The following CSNK1G1 variants were observed in gnomAD, a reference collection of about 807,000 sequenced individuals.
CSNK1G1 encodes casein kinase I isoform gamma-1.
Under a neutral mutation model 59.6 loss-of-function variants are expected in CSNK1G1, and 22 were observed. The observed-to-expected ratio is 0.37, with a 90% CI of 0.26 to 0.53. The LOEUF (loss-of-function observed/expected upper bound fraction) is 0.53. Among genes scored for constraint, CSNK1G1 ranks in the 20% least tolerant of loss-of-function variants. The pLI is 0.89. For missense variants in CSNK1G1, 384 were observed against 519.5 expected, an observed-to-expected ratio of 0.74 and a Z score of 2.54; for synonymous variants, 179 against 177.1, an observed-to-expected ratio of 1.01 and a Z score of -0.08.
chr15:64,280,734 T>C (rs1894079149), intron 2 of CSNK1G1, among the ~76,000 whole-genome samples: 2 of 152,110 alleles, frequency 1.3e-5, no homozygotes, highest in Non-Finnish European at 2.9e-5. Context: ...TGGTGTCTTA[T>C]GCTAAGCATT....
At chr15:64,284,434 C>A (rs1454219220) in intron 2 of CSNK1G1, among the ~76,000 whole-genome samples, 1 of 152,044 alleles carries the variant, frequency 6.6e-6, no homozygotes, top group East Asian at 1.9e-4. Context: ...AATATTAAAT[C>A]TTGAGATCCA....
intron 4 of CSNK1G1, among the ~76,000 whole-genome samples, chr15:64,227,025 C>T (rs1463640528): frequency 6.6e-6 from 1 of 152,170 alleles, no homozygotes; most frequent in Non-Finnish European, 1.5e-5. Context: ...ATGTCAGCAC[C>T]TAGCACTGGT....
chr15:64,238,518 AATATATATAT>A (rs1212005568), intron 4 of CSNK1G1, among the ~76,000 whole-genome samples: 10 of 49,248 alleles, frequency 2.0e-4, no homozygotes, highest in Admixed American at 9.3e-4. Flanking sequence ...AAAAAAAAAA[AATATATATAT>A]ATATATATAT....
intron 10 of CSNK1G1, chr15:64,189,269 G>A: frequency 1.1e-6 from 1 of 887,274 alleles, no homozygotes; most frequent in Non-Finnish European, 1.4e-6. Context: ...GCAAAAGGAG[G>A]GTCGACCTTC....
At position 64,254,017 on chromosome 15, in the gene CSNK1G1, G is replaced by A. The variant is rs113150793; in HGVS notation, c.223-2436C>T. Among the ~76,000 whole-genome samples the A allele has an allele frequency of 6.2e-3, 951 of 152,236 alleles. 11 individuals are homozygous for A. The highest frequency in any genetic ancestry group is 0.015 in the African/African-American group (611 of 41,528). On this transcript the variant is annotated intron_variant, in intron 3 of 11. Transcript: ENST00000303052. ...GAGCCAGGAGTGTCAGCGTGCGCCT[G>A]TAGTCCCAGCTACTCAGGAGGCTGA...
chr15:64,273,724 A>G (rs1399104114), intron 2 of CSNK1G1, among the ~76,000 whole-genome samples: 1 of 148,276 alleles, frequency 6.7e-6, no homozygotes, highest in Non-Finnish European at 1.5e-5. Flanking sequence ...ACAAAAGCTG[A>G]TGAGCTAAAA....
chr15:64,319,790 A>T (rs1896463124), intron 1 of CSNK1G1, among the ~76,000 whole-genome samples: 1 of 152,152 alleles, frequency 6.6e-6, no homozygotes, highest in South Asian at 2.1e-4. Flanking sequence ...AGCTCAGGCA[A>T]TCCGCTATCA....
intron 1 of CSNK1G1, among the ~76,000 whole-genome samples, chr15:64,335,042 TTTTGCAAGTACTGCTCAGTTCACATA>T: frequency 6.6e-6 from 1 of 152,368 alleles, no homozygotes; most frequent in East Asian, 1.9e-4. Context: ...TATTGACTTA[TTTTGCAAGTACTGCTCAGTTCACATA>T]ATCTACAAAG....
chr15:64,175,965 G>GT (rs1252723042), intron 11 of CSNK1G1, among the ~76,000 whole-genome samples: 7 of 152,212 alleles, frequency 4.6e-5, no homozygotes, highest in Admixed American at 1.3e-4. Flanking sequence ...ATATCTGGTT[G>GT]TATTAATTTG....
intron 2 of CSNK1G1, among the ~76,000 whole-genome samples, chr15:64,276,705 G>A (rs1005330722): frequency 9.2e-5 from 14 of 152,136 alleles, no homozygotes; most frequent in African/African-American, 3.4e-4. Flanking sequence ...CAGCACTTTG[G>A]GAGGCCGAGG....
At chr15:64,333,557 A>C (rs963948318) in intron 1 of CSNK1G1, among the ~76,000 whole-genome samples, 9 of 152,130 alleles carry the variant, frequency 5.9e-5, no homozygotes, top group Admixed American at 5.2e-4. Flanking sequence ...GGTAACAATC[A>C]ACATGATGAC....
At chr15:64,235,394 T>C (rs542757870) in intron 4 of CSNK1G1, among the ~76,000 whole-genome samples, 6 of 152,298 alleles carry the variant, frequency 3.9e-5, no homozygotes, top group Middle Eastern at 6.8e-3. Context: ...AAACATGAGA[T>C]GACAAAATGT....
Position 64,346,466 on chromosome 15 carries a change from ATTTATTTT to A in CSNK1G1, c.-225+9514_-225+9521del, listed in dbSNP as rs1214289519. On this transcript the variant is annotated intron_variant, in intron 1 of 11. Transcript: ENST00000303052. ...TATTTATTTATTTATTTATTTATTT[ATTTATTTT>A]GAGACATAGGTTTGCTCTTGTTGCC... Among the ~76,000 whole-genome samples the A allele has an allele frequency of 4.3e-4, 48 of 111,204 alleles. No individual in the cohort carries two copies. In the East Asian group the frequency reaches 6.7e-3, roughly 16 times the overall value. The allele number at this position is 111,204 out of a possible 152,430, so 73.0% of individuals were successfully genotyped here.
chr15:64,272,503 C>T (rs576436606), intron 2 of CSNK1G1, among the ~76,000 whole-genome samples: 17 of 152,116 alleles, frequency 1.1e-4, no homozygotes, highest in African/African-American at 3.9e-4. Flanking sequence ...AGGTGTGAGA[C>T]ACCACGCCCG....
In CSNK1G1 at chr15:64,169,493, A is replaced by C. The variant is rs1004093818; in HGVS notation, c.*2438T>G. 6 of 152,210 alleles carry C rather than the reference A, an allele frequency of 3.9e-5. No individual in the cohort carries two copies. The highest frequency in any genetic ancestry group is 1.5e-4 in the African/African-American group (6 of 41,318). The allele number at this position is 152,210 out of a possible 1,614,324, so 9.4% of individuals were successfully genotyped here. On this transcript the variant is annotated 3_prime_UTR_variant, in exon 12 of 12. Transcript: ENST00000303052. ...CATGATCCACTTGCCTTGGCCTCCC[A>C]AACTGCTGGGATTACAGGCGTGAGC...
At chr15:64,217,306 T>C (rs2082324707) in intron 4 of CSNK1G1, among the ~76,000 whole-genome samples, 1 of 152,122 alleles carries the variant, frequency 6.6e-6, no homozygotes, top group African/African-American at 2.4e-5. Context: ...AACAGACACT[T>C]AGTGTTTGGT....
In CSNK1G1 at chr15:64,300,514, G is replaced by C. The variant is rs759142136; in HGVS notation, c.-15C>G. The C allele has an allele frequency of 4.0e-5, 64 of 1,612,504 alleles. 2 individuals carry two copies. The South Asian group carries it at 7.0e-4, about 18-fold the overall frequency. On this transcript the variant is annotated 5_prime_UTR_variant, in exon 2 of 12. Coordinates refer to ENST00000303052, the MANE Select transcript of CSNK1G1 (RefSeq NM_022048.5). ...GGATGGTCCATGATCCTACAGGACA[G>C]AGTCTCCTATAGTACAGCAAGTAGC...
At chr15:64,285,043 T>C (rs534845409) in intron 2 of CSNK1G1, among the ~76,000 whole-genome samples, 6 of 152,240 alleles carry the variant, frequency 3.9e-5, no homozygotes, top group African/African-American at 1.2e-4. Context: ...GTGCAATCTA[T>C]ACAAAATAAA....
rs1370673793 is a variant in CSNK1G1 at position 64,171,577 on chromosome 15, A to G, written c.*354T>C. On this transcript the variant is annotated 3_prime_UTR_variant, in exon 12 of 12. Coordinates refer to ENST00000303052, the MANE Select transcript of CSNK1G1 (RefSeq NM_022048.5). The surrounding 1 kb of genome is among the most constrained non-coding windows in gnomAD (Gnocchi z 4.8). ...GCTGGAGAGGGTTGAGGGTGGGGTA[A>G]AAACCAGGAGTAAACTAAGGGGAAG... is the stretch of plus-strand genomic sequence containing the variant. The G allele has an allele frequency of 3.8e-6, 1 of 263,230 alleles. No individual in the cohort carries two copies. The highest frequency in any genetic ancestry group is 7.4e-6 in the Non-Finnish European group (1 of 135,900). The allele number at this position is 263,230 out of a possible 1,614,324, so 16.3% of individuals were successfully genotyped here. A position where few individuals can be genotyped will look rare whatever the true frequency, so the allele number is the denominator to read the frequency against.
Sources: allele counts gnomAD v4.1 joint callset (sites outside exome capture counted in the v4.1 genomes callset), GRCh38; gene constraint gnomAD v4.1.1; non-coding constraint Gnocchi (gnomAD v3.1); transcripts MANE v1.5; gene names NCBI Gene and HGNC (gene_info 2026-07-23, HGNC 2026-07-21).